ZFHX3: variants seen among roughly 807,000 people sequenced by gnomAD.
The protein encoded by ZFHX3 is zinc finger homeobox protein 3.
Under a neutral mutation model 279.1 loss-of-function variants are expected in ZFHX3, and 42 were observed. That is an observed-to-expected ratio of 0.15 (90% CI 0.12 to 0.19). The LOEUF is 0.19. ZFHX3 is among the 10% of genes least tolerant of loss of function. The pLI is 1.00. For missense variants in ZFHX3, 4,981 were observed against 4,754.0 expected, an observed-to-expected ratio of 1.05 and a Z score of -1.40; for synonymous variants, 2,293 against 1,957.8, an observed-to-expected ratio of 1.17 and a Z score of -4.52.
intron 3 of ZFHX3, among the ~76,000 whole-genome samples, chr16:73,365,924 G>T (rs1280434526): frequency 6.6e-6 from 1 of 152,186 alleles, no homozygotes; most frequent in African/African-American, 2.4e-5. Flanking sequence ...GTGGACCTGG[G>T]TCTGCTTGGT....
At chr16:73,054,348 G>T (rs1298287824) in intron 1 of ZFHX3, among the ~76,000 whole-genome samples, 1 of 151,424 alleles carries the variant, frequency 6.6e-6, no homozygotes, top group Admixed American at 6.6e-5. Context: ...AGCGCCACCA[G>T]CCCGGTTCCC....
intron 2 of ZFHX3, among the ~76,000 whole-genome samples, chr16:73,647,490 C>G (rs2142162199): frequency 6.6e-6 from 1 of 152,222 alleles, no homozygotes; most frequent in South Asian, 2.1e-4. Flanking sequence ...TCTCCTACTG[C>G]CATCTTAAGA....
chr16:72,846,952 A>G (rs1319711444), intron 4 of ZFHX3, among the ~76,000 whole-genome samples: 2 of 152,202 alleles, frequency 1.3e-5, no homozygotes, highest in Non-Finnish European at 2.9e-5. Flanking sequence ...CCATCTGACC[A>G]TCGTGCTCTG....
At chr16:73,545,019 C>T (rs1412691757) in intron 2 of ZFHX3, among the ~76,000 whole-genome samples, 1 of 152,132 alleles carries the variant, frequency 6.6e-6, no homozygotes, top group East Asian at 1.9e-4. Context: ...GCCCCAGCTC[C>T]ACTGGATCTT....
At chr16:73,755,633 C>T (rs1340319234) in intron 1 of ZFHX3, among the ~76,000 whole-genome samples, 7 of 152,160 alleles carry the variant, frequency 4.6e-5, no homozygotes, top group Non-Finnish European at 7.3e-5. Flanking sequence ...CAGGCATCAA[C>T]TGGGAATTGT....
intron 1 of ZFHX3, among the ~76,000 whole-genome samples, chr16:72,960,624 C>T (rs941364517): frequency 2.6e-5 from 4 of 152,186 alleles, no homozygotes; most frequent in African/African-American, 4.8e-5. Context: ...GCCCCGACTC[C>T]GCGCACTGTC....
intron 1 of ZFHX3, among the ~76,000 whole-genome samples, chr16:73,696,429 T>C (rs977222643): frequency 2.0e-5 from 3 of 152,172 alleles, no homozygotes; most frequent in African/African-American, 7.2e-5. Flanking sequence ...CACTTTTGTG[T>C]AGACTGTTGG....
At chr16:73,029,291 T>G (rs1464280570) in intron 1 of ZFHX3, among the ~76,000 whole-genome samples, 1 of 152,156 alleles carries the variant, frequency 6.6e-6, no homozygotes, top group Non-Finnish European at 1.5e-5. Context: ...TTTCCTCACC[T>G]GGGTTCGCCA....
At position 73,216,718 on chromosome 16, in the gene ZFHX3, G is replaced by A. The variant is rs1486687061; in HGVS notation, c.-1104+40329C>T. 7.2e-5 allele frequency among the ~76,000 whole-genome samples: 11 copies of A among 151,888 alleles called. No homozygotes were observed. The South Asian group carries it at 1.0e-3, about 14-fold the overall frequency. ...GCTGAGCTTGCGGTGAGCTGAGATC[G>A]CGCCACTGCACTCCAGCCTGGGTGA... On this transcript the variant is annotated intron_variant, in intron 5 of 17. Transcript: ENST00000641206.
intron 2 of ZFHX3, among the ~76,000 whole-genome samples, chr16:73,547,049 G>A (rs779738253): frequency 3.8e-4 from 58 of 151,996 alleles, no homozygotes; most frequent in Non-Finnish European, 7.2e-4. Context: ...CTTGAGAGGG[G>A]TCCTTTTCTT....
chr16:73,704,719 G>A (rs2053286821), intron 1 of ZFHX3, among the ~76,000 whole-genome samples: 1 of 152,186 alleles, frequency 6.6e-6, no homozygotes, highest in African/African-American at 2.4e-5. Context: ...GTAAGGAAGT[G>A]GGAGAGTGAG....
chr16:73,508,224 G>T (rs777165768), intron 2 of ZFHX3, among the ~76,000 whole-genome samples: 3 of 152,174 alleles, frequency 2.0e-5, no homozygotes, highest in African/African-American at 7.2e-5. Flanking sequence ...GATAGGCTAT[G>T]TGCAAGCATT....
chr16:73,276,914 T>G (rs1489235892), intron 4 of ZFHX3, among the ~76,000 whole-genome samples: 9 of 152,228 alleles, frequency 5.9e-5, no homozygotes, highest in Non-Finnish European at 2.9e-5. Context: ...GCCATGTTCC[T>G]TTCTACCTTC....
At chr16:73,138,882 A>G (rs1293668211) in intron 6 of ZFHX3, among the ~76,000 whole-genome samples, 2 of 152,030 alleles carry the variant, frequency 1.3e-5, no homozygotes, top group Non-Finnish European at 2.9e-5. Context: ...GTAGAGACAG[A>G]GTCTCACTGT....
chr16:73,288,610 T>C (rs756354219), intron 4 of ZFHX3, among the ~76,000 whole-genome samples: 49 of 152,284 alleles, frequency 3.2e-4, no homozygotes, highest in Admixed American at 1.6e-3. Flanking sequence ...TGGATTTCTT[T>C]AACGTTCCTG....
intron 1 of ZFHX3, among the ~76,000 whole-genome samples, chr16:73,821,284 A>T (rs1218672441): frequency 1.3e-5 from 2 of 152,228 alleles, no homozygotes; most frequent in African/African-American, 4.8e-5. Context: ...GGACCAGCAC[A>T]GAGGTCTCTC....
At chr16:73,622,508 G>A (rs2052373252) in intron 2 of ZFHX3, among the ~76,000 whole-genome samples, 1 of 152,148 alleles carries the variant, frequency 6.6e-6, no homozygotes, top group Non-Finnish European at 1.5e-5. Context: ...CTTGCAGTGA[G>A]CCGAGATCGT....
intron 2 of ZFHX3, among the ~76,000 whole-genome samples, chr16:73,577,870 AG>A (rs2051816983): frequency 6.6e-6 from 1 of 152,230 alleles, no homozygotes; most frequent in South Asian, 2.1e-4. Context: ...GAAACGTCAT[AG>A]TTACAAACAC....
At chr16:73,535,273 G>A (rs1306037212) in intron 2 of ZFHX3, among the ~76,000 whole-genome samples, 1 of 152,152 alleles carries the variant, frequency 6.6e-6, no homozygotes. Flanking sequence ...GAAGCAATCA[G>A]TTTTGAGTAA....
Sources: gnomAD v4.1 joint callset for allele counts (sites outside exome capture counted in the v4.1 genomes callset) on GRCh38, gnomAD v4.1.1 for gene constraint, MANE v1.5 for transcripts, NCBI Gene and HGNC (gene_info 2026-07-23, HGNC 2026-07-21) for gene names.